Variants in RAPGEF1 observed in about 807,000 individuals in gnomAD.
The protein encoded by RAPGEF1 is CRK SH3-binding GNRP.
RAPGEF1 carries 33 observed loss-of-function variants against 143.3 expected under a neutral mutation model. The observed-to-expected ratio is 0.23, with a 90% CI of 0.17 to 0.31. RAPGEF1 has a LOEUF of 0.31. Among genes scored for constraint, RAPGEF1 ranks in the 10% least tolerant of loss-of-function variants. RAPGEF1 has a pLI of 1.00. For synonymous variants in RAPGEF1, 629 were observed against 676.5 expected, an observed-to-expected ratio of 0.93 and a Z score of 1.09; for missense variants, 1,199 against 1,645.4, an observed-to-expected ratio of 0.73 and a Z score of 4.69.
In RAPGEF1 at chr9:131,643,384, C is replaced by T. The variant is rs1485719219; in HGVS notation, c.349G>A (p.Val117Ile). The T allele has an allele frequency of 3.7e-6, 6 of 1,613,604 alleles. No individual in the cohort carries two copies. The Admixed American group carries it at 1.0e-4, about 27-fold the overall frequency. Residue 117 changes from valine to isoleucine, a missense_variant, in exon 4 of 27, where the codon GTT becomes ATT. By Grantham distance (29) the Val-to-Ile change is conservative. Coordinates refer to ENST00000683357, the MANE Select transcript of RAPGEF1 (RefSeq NM_001377935.1). ...TTAAAGTAGCGCAGGGCACTGACAACTTCCTTCTCTTTCTCCTCCAGCCAG... is the reference window on the plus strand; with the variant it reads ...TTAAAGTAGCGCAGGGCACTGACAATTTCCTTCTCTTTCTCCTCCAGCCAG... ...LSWLEEKEKE[V>I]VSALRYFKTI... is the part of the protein sequence containing the mutation.
chr9:131,704,739 A>G (rs1186271255), intron 1 of RAPGEF1, among the ~76,000 whole-genome samples: 1 of 152,028 alleles, frequency 6.6e-6, no homozygotes, highest in Non-Finnish European at 1.5e-5. Flanking sequence ...TTCGAAAGAG[A>G]GGGAAAAAAA....
chr9:131,582,762 G>A (rs1298291388), intron 24 of RAPGEF1, 60 bp from the exon 25 acceptor site: 4 of 1,408,560 alleles, frequency 2.8e-6, no homozygotes, highest in Non-Finnish European at 3.8e-6. Context: ...GGCAATGCTG[G>A]GGCAGAGCCC....
At chr9:131,737,235 T>C (rs1837475935) in intron 1 of RAPGEF1, among the ~76,000 whole-genome samples, 1 of 152,186 alleles carries the variant, frequency 6.6e-6, no homozygotes, top group Non-Finnish European at 1.5e-5. Flanking sequence ...TCTCACAAAA[T>C]GCATCTTCCT....
intron 26 of RAPGEF1, 70 bp downstream of exon 26, chr9:131,580,193 C>G (rs1032854342): frequency 3.8e-6 from 6 of 1,581,122 alleles, no homozygotes; most frequent in Non-Finnish European, 4.3e-6. Flanking sequence ...CTCGGTGTCC[C>G]GGGCTGTCTC....
At chr9:131,714,150 G>A (rs1835697036) in intron 1 of RAPGEF1, among the ~76,000 whole-genome samples, 1 of 151,868 alleles carries the variant, frequency 6.6e-6, no homozygotes, top group Non-Finnish European at 1.5e-5. Flanking sequence ...CCGAGTAGCT[G>A]GACTCCAGGA....
chr9:131,642,892 AG>A (rs1323787204), intron 4 of RAPGEF1, among the ~76,000 whole-genome samples: 1 of 152,152 alleles, frequency 6.6e-6, no homozygotes, highest in African/African-American at 2.4e-5. Flanking sequence ...AAACTCAAAA[AG>A]TTTCATTCAA....
Position 131,733,255 on chromosome 9 carries a change from G to A in RAPGEF1, c.61+6515C>T, listed in dbSNP as rs11243493. Among the ~76,000 whole-genome samples, 4 of 151,932 alleles carry A rather than the reference G, an allele frequency of 2.6e-5. No homozygotes were observed. The East Asian group carries it at 7.7e-4, about 29-fold the overall frequency. On this transcript the variant is annotated intron_variant, in intron 1 of 26. Coordinates refer to ENST00000683357, the MANE Select transcript of RAPGEF1 (RefSeq NM_001377935.1). ...ATGCGGGGCTTCAAACCTAGATGAC[G>A]GGTTGATAGGTGCAGCAAACCGCCA... is the stretch of plus-strand genomic sequence containing the variant.
At chr9:131,720,418 C>T (rs572740185) in intron 1 of RAPGEF1, among the ~76,000 whole-genome samples, 5 of 152,268 alleles carry the variant, frequency 3.3e-5, no homozygotes, top group Admixed American at 6.5e-5. Flanking sequence ...AAGATACCCC[C>T]CACCTCTACC....
chr9:131,737,969 A>C (rs150766257), intron 1 of RAPGEF1, among the ~76,000 whole-genome samples: 4 of 146 alleles, frequency 0.027, no homozygotes, highest in Non-Finnish European at 0.14. Context: ...CTCCGTCTCA[A>C]AAAAAAAAAA....
chr9:131,636,326 C>T (rs111347159), intron 5 of RAPGEF1, among the ~76,000 whole-genome samples: 115 of 152,370 alleles, frequency 7.5e-4, no homozygotes, highest in African/African-American at 2.5e-3. Flanking sequence ...TAAAGCTTCT[C>T]ACCTAGAGAA....
Position 131,680,327 on chromosome 9 carries a change from C to A in RAPGEF1, c.62-29378G>T, listed in dbSNP as rs148952187. ...ATCCACATTATTAAGCCTGGCTCTG[C>A]TCTTTTTTCATCAGCCTGTCCACTG... On this transcript the variant is annotated intron_variant, in intron 1 of 26. Coordinates refer to ENST00000683357, the MANE Select transcript of RAPGEF1 (RefSeq NM_001377935.1). 2.2e-4 allele frequency among the ~76,000 whole-genome samples: 34 copies of A among 152,340 alleles called. No homozygotes were observed. The Middle Eastern group carries it at 0.01, about 46-fold the overall frequency.
intron 1 of RAPGEF1, among the ~76,000 whole-genome samples, chr9:131,668,711 G>C (rs1017061695): frequency 7.9e-5 from 12 of 152,204 alleles, no homozygotes; most frequent in African/African-American, 2.9e-4. Context: ...GAAAACCACA[G>C]ACTTCATAGG....
In RAPGEF1 at chr9:131,655,844, C is replaced by T. The variant is rs1425039031; in HGVS notation, c.62-4895G>A. Among the ~76,000 whole-genome samples, 3 of 152,102 alleles carry T rather than the reference C, an allele frequency of 2.0e-5. No individual in the cohort carries two copies. Among genetic ancestry groups the T allele is most frequent in the Non-Finnish European group, 4.4e-5 (3 of 68,016 alleles). The stretch of plus-strand genomic sequence containing the variant: ...CCTCGTGATCCACCTGCCTTGGCCT[C>T]CCAAAGTGCTGAGATTACAGGTGTG... On this transcript the variant is annotated intron_variant, in intron 1 of 26. Transcript: ENST00000683357. This position sits in a 1 kb window ranked among gnomAD's most constrained non-coding sequence, Gnocchi z 4.1.
At chr9:131,680,971 C>T (rs1031434105) in intron 1 of RAPGEF1, among the ~76,000 whole-genome samples, 5 of 152,248 alleles carry the variant, frequency 3.3e-5, no homozygotes, top group East Asian at 1.9e-4. Context: ...GGAGGACACC[C>T]GAGTACTCTC....
intron 10 of RAPGEF1, 21 bp downstream of exon 10, chr9:131,625,901 A>G (rs749956765): frequency 1.3e-6 from 2 of 1,529,802 alleles, no homozygotes; most frequent in Non-Finnish European, 1.8e-6. Flanking sequence ...ACTTCCTGAC[A>G]ACAGTGCAAC....
intron 1 of RAPGEF1, among the ~76,000 whole-genome samples, chr9:131,656,921 T>C (rs1451159789): frequency 6.6e-6 from 1 of 152,210 alleles, no homozygotes; most frequent in Non-Finnish European, 1.5e-5. Flanking sequence ...CCTCAGGGTA[T>C]CCACCTCAGC....
intron 1 of RAPGEF1, among the ~76,000 whole-genome samples, chr9:131,684,070 A>G (rs984072200): frequency 2.0e-5 from 3 of 152,268 alleles, no homozygotes; most frequent in Non-Finnish European, 4.4e-5. Flanking sequence ...TCTGGTCTCA[A>G]ACGCAGATAC....
chr9:131,626,660 A>C (rs964384584), intron 9 of RAPGEF1, among the ~76,000 whole-genome samples: 15 of 152,240 alleles, frequency 9.9e-5, no homozygotes, highest in Non-Finnish European at 1.8e-4. Flanking sequence ...TATTTAAAAA[A>C]AAAATACACA....
At chr9:131,725,035 T>C (rs1352129796) in intron 1 of RAPGEF1, 1 of 152,312 alleles carries the variant, frequency 6.6e-6, no homozygotes, top group Non-Finnish European at 1.5e-5. Context: ...TGTTCAGCTA[T>C]CTGCAAGCTC....
Sources: allele counts gnomAD v4.1 joint callset (sites outside exome capture counted in the v4.1 genomes callset), GRCh38; gene constraint gnomAD v4.1.1; non-coding constraint Gnocchi (gnomAD v3.1); transcripts MANE v1.5; gene names NCBI Gene and HGNC (gene_info 2026-07-23, HGNC 2026-07-21).